The following SPPL3 variants were observed in gnomAD, a reference collection of about 807,000 sequenced individuals.
SPPL3 encodes the protein signal peptide peptidase like 3.
SPPL3 carries 5 observed loss-of-function variants against 42.4 expected under a neutral mutation model. The observed-to-expected ratio is 0.12, with a 90% confidence interval of 0.06 to 0.25. SPPL3 has a LOEUF of 0.25. SPPL3 is among the 10% of genes least tolerant of loss of function. The pLI, the probability that SPPL3 is intolerant of heterozygous loss-of-function variation, is 1.00. For missense variants in SPPL3, 235 were observed against 489.0 expected (o/e 0.48, Z 4.90); for synonymous variants, 195 against 181.8 (o/e 1.07, Z -0.58).
chr12:120,902,042 C>CAT, intron 1 of SPPL3: 1 of 384,644 alleles, frequency 2.6e-6, no homozygotes, highest in African/African-American at 2.2e-5. Context: ...GATGAGTAAC[C>CAT]ACAAGGCATG....
intron 1 of SPPL3, among the ~76,000 whole-genome samples, chr12:120,871,442 C>T (rs895515378): frequency 2.6e-5 from 4 of 152,210 alleles, no homozygotes; most frequent in South Asian, 4.2e-4. Context: ...TAACAAAATT[C>T]ACATATGCTA....
intron 3 of SPPL3, among the ~76,000 whole-genome samples, chr12:120,786,664 A>T (rs974947293): frequency 2.0e-5 from 3 of 151,348 alleles, no homozygotes; most frequent in Non-Finnish European, 2.9e-5. Context: ...TTTTTTTTTT[A>T]AACCACAGAT....
chr12:120,862,186 A>G (rs1223896627), intron 1 of SPPL3, among the ~76,000 whole-genome samples: 2 of 152,200 alleles, frequency 1.3e-5, no homozygotes, highest in African/African-American at 2.4e-5. Flanking sequence ...ATATTTATTC[A>G]TTTTAAAATA....
At chr12:120,771,968 A>G (rs1445378069) in intron 6 of SPPL3, among the ~76,000 whole-genome samples, 1 of 152,226 alleles carries the variant, frequency 6.6e-6, no homozygotes, top group Non-Finnish European at 1.5e-5. Flanking sequence ...TGGAAGAGCC[A>G]GGTCAGGAGT....
At chr12:120,878,500 C>T (rs112868903) in intron 1 of SPPL3, among the ~76,000 whole-genome samples, 9 of 152,290 alleles carry the variant, frequency 5.9e-5, no homozygotes, top group African/African-American at 9.6e-5. Context: ...ACAAGCTAAA[C>T]GCTAATGGGC....
intron 2 of SPPL3, among the ~76,000 whole-genome samples, chr12:120,802,575 A>T (rs554535540): frequency 6.6e-6 from 1 of 151,526 alleles, no homozygotes; most frequent in Non-Finnish European, 1.5e-5. Flanking sequence ...CTGGGATTAC[A>T]GGCATGCATC....
At chr12:120,903,817 TC>T in intron 1 of SPPL3, 27 bp downstream of exon 1, 1 of 1,341,676 alleles carries the variant, frequency 7.5e-7, no homozygotes, top group Non-Finnish European at 9.6e-7. Context: ...CCTTGCCGCC[TC>T]CCGGCCTCCC....
intron 1 of SPPL3, among the ~76,000 whole-genome samples, chr12:120,873,192 G>GT (rs1302069523): frequency 6.6e-6 from 1 of 152,204 alleles, no homozygotes; most frequent in Non-Finnish European, 1.5e-5. Context: ...TTGGCTGAGA[G>GT]TAACAGCAGA....
intron 1 of SPPL3, among the ~76,000 whole-genome samples, chr12:120,840,171 A>G (rs1041972734): frequency 1.4e-5 from 2 of 147,994 alleles, no homozygotes; most frequent in Non-Finnish European, 3.0e-5. Flanking sequence ...CCAGCTACTC[A>G]GGAGGCTGAA....
intron 1 of SPPL3, among the ~76,000 whole-genome samples, chr12:120,858,741 A>C: frequency 6.6e-6 from 1 of 152,204 alleles, no homozygotes; most frequent in Non-Finnish European, 1.5e-5. Flanking sequence ...AGGAGTCCCC[A>C]AAGAAGAAAA....
chr12:120,893,112 A>G (rs1261647484), intron 1 of SPPL3, among the ~76,000 whole-genome samples: 2 of 152,080 alleles, frequency 1.3e-5, no homozygotes, highest in Non-Finnish European at 2.9e-5. Flanking sequence ...GAAACCCTTA[A>G]TAATTCTTTA....
intron 1 of SPPL3, among the ~76,000 whole-genome samples, chr12:120,862,198 ACT>A (rs1276249107): frequency 6.6e-6 from 1 of 152,178 alleles, no homozygotes; most frequent in Non-Finnish European, 1.5e-5. Context: ...TTTAAAATAA[ACT>A]CATTATACAT....
chr12:120,805,286 A>G (rs943551522), intron 2 of SPPL3, among the ~76,000 whole-genome samples: 5 of 152,240 alleles, frequency 3.3e-5, no homozygotes, highest in Non-Finnish European at 5.9e-5. Flanking sequence ...CAAAAACCAC[A>G]GGATCAACTC....
chr12:120,899,752 G>GC (rs1267169018), intron 1 of SPPL3, among the ~76,000 whole-genome samples: 1 of 151,870 alleles, frequency 6.6e-6, no homozygotes, highest in East Asian at 1.9e-4. Context: ...AATTAGCCGG[G>GC]CATGGTGGTA....
intron 1 of SPPL3, among the ~76,000 whole-genome samples, chr12:120,846,718 T>A (rs1412087438): frequency 6.6e-6 from 1 of 151,900 alleles, no homozygotes; most frequent in Non-Finnish European, 1.5e-5. Flanking sequence ...TAAAAAAAAA[T>A]GGCTTGTGGA....
chr12:120,820,986 T>C (rs1465160706), intron 1 of SPPL3, among the ~76,000 whole-genome samples: 1 of 152,108 alleles, frequency 6.6e-6, no homozygotes, highest in African/African-American at 2.4e-5. Flanking sequence ...GAAAGACATA[T>C]ATGAAATATA....
intron 5 of SPPL3, 76 bp from the exon 6 acceptor site, chr12:120,782,843 A>G: frequency 1.8e-6 from 2 of 1,090,506 alleles, no homozygotes; most frequent in Non-Finnish European, 2.7e-6. Flanking sequence ...GTATTTCGTG[A>G]TGGCTGGATT....
intron 1 of SPPL3, among the ~76,000 whole-genome samples, chr12:120,869,407 CTTAA>C (rs961405447): frequency 1.1e-4 from 17 of 152,284 alleles, no homozygotes; most frequent in South Asian, 2.1e-4. Context: ...ATATTTTAGA[CTTAA>C]TTAAAGGAGC....
In SPPL3 at chr12:120,783,674, T is replaced by C. The variant is rs747144960; in HGVS notation, c.389A>G (p.Lys130Arg). 1.2e-6 allele frequency: 2 copies of C among 1,608,144 alleles called. No homozygotes were observed. The highest frequency in any genetic ancestry group is 1.3e-5 in the African/African-American group (1 of 74,794). Residue 130 changes from lysine to arginine, a missense_variant and splice_region_variant, in exon 5 of 11, where the codon AAG becomes AGG. Lys to Arg is a conservative substitution (Grantham distance 26). This residue lies in a region of SPPL3 where 110 missense variants were observed against 186.2 expected (regional missense o/e 0.59). Transcript: ENST00000353487. ...YLTRPCSPQN[K>R]ISFGCCGRFT... is the part of the protein sequence containing the mutation. ...TAAGAGGAAAGTCCCAAGTCCTTAC[T>C]TGTTCTGAGGTGAGCAGGGTCTTGT...
Sources: gnomAD v4.1 joint callset for allele counts (sites outside exome capture counted in the v4.1 genomes callset) on GRCh38, gnomAD v4.1.1 for gene constraint, gnomAD v4.1.1 regional missense constraint, MANE v1.5 for transcripts, NCBI Gene and HGNC (gene_info 2026-07-23, HGNC 2026-07-21) for gene names.